The following LANCL3 variants were observed in gnomAD, a reference collection of about 807,000 sequenced individuals.
LANCL3 encodes LanC like family member 3.
A neutral mutation model predicts 26.5 loss-of-function variants in LANCL3; 19 were observed. The ratio of observed to expected loss-of-function variants is 0.72; its 90% CI spans 0.50 to 1.05. The LOEUF (loss-of-function observed/expected upper bound fraction) is 1.05, where lower values mean the gene tolerates loss of function less well. Ranked by LOEUF, LANCL3 falls within the 50% of genes least tolerant of loss-of-function variation. The pLI is 0.00. For missense variants in LANCL3, 318 were observed against 362.7 expected, an observed-to-expected ratio of 0.88 and a Z score of 1.00; for synonymous variants, 160 against 166.6, an observed-to-expected ratio of 0.96 and a Z score of 0.30.
chrX:37,574,586 A>G (rs1411070782), intron 1 of LANCL3, among the ~76,000 whole-genome samples: 1 of 111,977 alleles, frequency 8.9e-6, no homozygotes, highest in African/African-American at 3.3e-5. Context: ...TAAGAAACAA[A>G]TATTTCAAAA....
At chrX:37,643,195 T>C (rs1184939760) in intron 1 of LANCL3, among the ~76,000 whole-genome samples, 3 of 111,935 alleles carry the variant, frequency 2.7e-5, no homozygotes. Context: ...AGCTTCCTAT[T>C]AGGAAGAAAG....
chrX:37,666,360 C>G, intron 3 of LANCL3, among the ~76,000 whole-genome samples: 1 of 111,981 alleles, frequency 8.9e-6, no homozygotes, highest in Middle Eastern at 4.6e-3. Flanking sequence ...TTTCTAGGGA[C>G]AGAAAATATT....
intron 1 of LANCL3, among the ~76,000 whole-genome samples, chrX:37,649,256 A>G (rs1926066016): frequency 8.9e-6 from 1 of 112,322 alleles, no homozygotes; most frequent in African/African-American, 3.2e-5. Flanking sequence ...CATATATACC[A>G]CGGAATATTA....
chrX:37,621,228 T>C (rs1332279726), intron 1 of LANCL3, among the ~76,000 whole-genome samples: 1 of 112,588 alleles, frequency 8.9e-6, no homozygotes, highest in Non-Finnish European at 1.9e-5. Context: ...CTATTATTCT[T>C]GTCCAGTTAT....
At chrX:37,590,252 A>G (rs1426208664) in intron 1 of LANCL3, among the ~76,000 whole-genome samples, 1 of 112,706 alleles carries the variant, frequency 8.9e-6, no homozygotes, top group Non-Finnish European at 1.9e-5. Flanking sequence ...ATTTGCTTAC[A>G]TAGCACTAAT....
intron 1 of LANCL3, among the ~76,000 whole-genome samples, chrX:37,627,454 G>A (rs1370411281): frequency 2.7e-5 from 3 of 111,252 alleles, no homozygotes. Flanking sequence ...CAAAAACAGT[G>A]TTCTCCTACA....
chrX:37,572,613 C>A (rs1254062109), intron 1 of LANCL3, among the ~76,000 whole-genome samples, 170 bp downstream of exon 1: 1 of 112,277 alleles, frequency 8.9e-6, no homozygotes, highest in Non-Finnish European at 1.9e-5. Context: ...TGCTTTTGTC[C>A]CTCTTCTTTC....
At chrX:37,620,324 A>G (rs143734614) in intron 1 of LANCL3, among the ~76,000 whole-genome samples, 153 of 112,343 alleles carry the variant, frequency 1.4e-3, no homozygotes, top group Admixed American at 4.8e-3. Context: ...AGAGAAAGAA[A>G]GCCCAAGGCA....
At chrX:37,645,276 T>C in intron 1 of LANCL3, among the ~76,000 whole-genome samples, 1 of 112,435 alleles carries the variant, frequency 8.9e-6, no homozygotes, top group Non-Finnish European at 1.9e-5. Flanking sequence ...CAAATGTTTA[T>C]AACTGAAATT....
intron 4 of LANCL3, among the ~76,000 whole-genome samples, chrX:37,674,408 A>G (rs1289245104): frequency 8.9e-6 from 1 of 111,803 alleles, no homozygotes; most frequent in African/African-American, 3.2e-5. Flanking sequence ...AGCAAATAAT[A>G]CATATGTTAT....
intron 1 of LANCL3, among the ~76,000 whole-genome samples, chrX:37,585,936 G>A (rs781953841): frequency 2.3e-4 from 26 of 111,735 alleles, no homozygotes; most frequent in South Asian, 1.5e-3. Context: ...GGCTGGTACC[G>A]GTTGTTCCTT....
intron 1 of LANCL3, among the ~76,000 whole-genome samples, chrX:37,654,623 C>A (rs782527277): frequency 9.0e-6 from 1 of 111,194 alleles, no homozygotes; most frequent in Non-Finnish European, 1.9e-5. Context: ...AATCGTGGAG[C>A]GGAGGGAAAG....
chrX:37,600,095 G>T (rs1287562854), intron 1 of LANCL3, among the ~76,000 whole-genome samples: 1 of 111,972 alleles, frequency 8.9e-6, no homozygotes, highest in Non-Finnish European at 1.9e-5. Flanking sequence ...CTTATCCTCA[G>T]TTTCACTTTC....
chrX:37,632,922 A>G (rs1212263374), intron 1 of LANCL3, among the ~76,000 whole-genome samples: 4 of 110,984 alleles, frequency 3.6e-5, no homozygotes, highest in African/African-American at 9.8e-5. Context: ...GAATCTGACA[A>G]TTATGTGTCT....
chrX:37,572,259 T>G lies in LANCL3; in HGVS notation c.389T>G (p.Val130Gly). 1.7e-6 allele frequency: 2 copies of G among 1,150,139 alleles called. No individual in the cohort carries two copies. The highest frequency in any genetic ancestry group is 2.3e-6 in the Non-Finnish European group (2 of 867,351). The allele number at this position is 1,150,139 out of a possible 1,213,427, so 94.8% of individuals were successfully genotyped here. The change falls in exon 1 of 5, where the codon GTG becomes GGG. Residue 130 changes from valine (V) to glycine (G), a missense_variant. Physicochemically the swap from Val to Gly is moderately radical, Grantham distance 109. Coordinates refer to ENST00000378619, the MANE Select transcript of LANCL3 (RefSeq NM_001170331.2). ...FLLGGAGVYAVATLVYHALGR... is the reference protein window; with the variant it reads ...FLLGGAGVYAGATLVYHALGR... ...CTCGGGGGCGCGGGCGTGTACGCCG[T>G]GGCCACGCTCGTATACCACGCCCTG...
chrX:37,635,057 G>A (rs1925668317), intron 1 of LANCL3, among the ~76,000 whole-genome samples: 1 of 110,815 alleles, frequency 9.0e-6, no homozygotes, highest in Admixed American at 9.6e-5. Flanking sequence ...AAGACTCAGG[G>A]CAGCATGGAA....
chrX:37,665,276 C>T (rs1004698524), intron 3 of LANCL3, among the ~76,000 whole-genome samples: 1 of 112,144 alleles, frequency 8.9e-6, no homozygotes, highest in African/African-American at 3.2e-5. Flanking sequence ...CCAGTCTAGC[C>T]TTCTTCCCCA....
chrX:37,572,050 C>T lies in LANCL3; in HGVS notation c.180C>T (p.Ala60=), dbSNP rs782032767. ...GAGGGGCGACGGCGGGGGCTAGCGC[C>T]TGCCAGGGGGGGCTTTATGGCGGCG... ...EARGATAGAS[A]CQGGLYGGVA... The change falls in exon 1 of 5, where the codon GCC becomes GCT. Residue 60 remains alanine (A), a synonymous_variant. Coordinates refer to ENST00000378619, the MANE Select transcript of LANCL3 (RefSeq NM_001170331.2). The T allele has an allele frequency of 2.5e-6, 3 of 1,182,054 alleles. No homozygotes were observed. In the African/African-American group the frequency reaches 5.2e-5, roughly 21 times the overall value.
chrX:37,632,470 T>C (rs1925552884), intron 1 of LANCL3, among the ~76,000 whole-genome samples: 1 of 111,110 alleles, frequency 9.0e-6, no homozygotes, highest in South Asian at 3.7e-4. Context: ...GTTAATATTG[T>C]TATGTGTGAA....
Sources: allele counts gnomAD v4.1 joint callset (sites outside exome capture counted in the v4.1 genomes callset), GRCh38; gene constraint gnomAD v4.1.1; transcripts MANE v1.5; gene names NCBI Gene and HGNC (gene_info 2026-07-23, HGNC 2026-07-21).